The following CAPS2 variants were observed in gnomAD, a reference collection of about 807,000 sequenced individuals.
CAPS2 encodes calcyphosine 2, also known as calcyphosin-2.
CAPS2 carries 98 observed loss-of-function variants against 86.5 expected under a neutral mutation model. The observed-to-expected ratio is 1.13, with a 90% CI of 0.96 to 1.34. CAPS2 has a LOEUF of 1.34. Among genes scored for constraint, CAPS2 ranks in the 40% most tolerant of loss-of-function variants. The probability of loss-of-function intolerance (pLI) is 0.00; values close to 1 mark genes in which losing one functional copy is unlikely to be tolerated. For synonymous variants in CAPS2, 210 were observed against 225.1 expected (o/e 0.93, Z 0.60); for missense variants, 729 against 686.8 (o/e 1.06, Z -0.69).
chr12:75,333,409 T>G (rs1021038277), upstream of CAPS2, among the ~76,000 whole-genome samples: 1 of 152,124 alleles, frequency 6.6e-6, no homozygotes, highest in Non-Finnish European at 1.5e-5. Context: ...TATATAACTG[T>G]ATTGATTTAT....
At chr12:75,329,835 C>T (rs1228697558), upstream of CAPS2, 4 of 1,545,440 alleles carry the variant, frequency 2.6e-6, no homozygotes, top group Non-Finnish European at 3.5e-6. Context: ...AGAGCACCTG[C>T]AGTGTAGCAG....
chr12:75,280,873 C>T (rs373607704), intron 16 of CAPS2, among the ~76,000 whole-genome samples: 151 of 151,592 alleles, frequency 1.0e-3, no homozygotes, highest in Middle Eastern at 3.5e-3. Flanking sequence ...TTAATGATGA[C>T]GAGAAACCAA....
At chr12:75,362,961 G>GA in intron 1 of CAPS2, 2 of 505,020 alleles carry the variant, frequency 4.0e-6, no homozygotes, top group Non-Finnish European at 7.2e-6. Context: ...CAAAAGAAAT[G>GA]AAAATAAAAT....
chr12:75,277,210 CTTTT>C (rs11349252), exon 17 of CAPS2: 157 of 842,350 alleles, frequency 1.9e-4, no homozygotes, highest in South Asian at 3.3e-4. Flanking sequence ...AGTAGCTTCC[CTTTT>C]TTTTTTTTTT....
chr12:75,354,161 A>G (rs2042991210), intron 1 of CAPS2, among the ~76,000 whole-genome samples: 1 of 109,946 alleles, frequency 9.1e-6, no homozygotes. Flanking sequence ...GGGAAGAGAA[A>G]AAAAAGGGGG....
downstream of CAPS2, chr12:75,276,046 A>G: frequency 4.6e-6 from 3 of 645,390 alleles, no homozygotes; most frequent in Non-Finnish European, 7.1e-6. Flanking sequence ...AAGTTTATAG[A>G]ACTTTAAAAT....
At chr12:75,340,991 T>C (rs2042064069) in intron 1 of CAPS2, among the ~76,000 whole-genome samples, 1 of 151,570 alleles carries the variant, frequency 6.6e-6, no homozygotes, top group East Asian at 1.9e-4. Context: ...GAATGCAAAA[T>C]GGTATAGCCA....
intron 1 of CAPS2, chr12:75,360,659 G>A (rs1438203711): frequency 6.6e-6 from 1 of 152,200 alleles, no homozygotes; most frequent in Non-Finnish European, 1.5e-5. Context: ...TTTTCCTGGT[G>A]CATGGTGCAA....
At chr12:75,366,294 G>A (rs2043956907) in intron 1 of CAPS2, among the ~76,000 whole-genome samples, 1 of 152,062 alleles carries the variant, frequency 6.6e-6, no homozygotes, top group African/African-American at 2.4e-5. Context: ...AAACTCACTG[G>A]TTTACAGAAA....
upstream of CAPS2, among the ~76,000 whole-genome samples, chr12:75,328,730 T>G (rs1001730512): frequency 6.6e-6 from 1 of 152,248 alleles, no homozygotes; most frequent in Non-Finnish European, 1.5e-5. Flanking sequence ...GCTATTAGTC[T>G]TTAATGCTAG....
At chr12:75,298,824 C>T (rs1180093926) in intron 10 of CAPS2, 44 bp from the exon 11 acceptor site, 1 of 1,597,288 alleles carries the variant, frequency 6.3e-7, no homozygotes, top group Non-Finnish European at 8.6e-7. Context: ...TTTAGCTTCT[C>T]TCGGAAGTGA....
intron 1 of CAPS2, among the ~76,000 whole-genome samples, chr12:75,380,250 T>C (rs2044886081): frequency 6.6e-6 from 1 of 152,224 alleles, no homozygotes; most frequent in South Asian, 2.1e-4. Flanking sequence ...TTTTGCAGGA[T>C]ATGTGATCAT....
intron 7 of CAPS2, among the ~76,000 whole-genome samples, chr12:75,309,561 T>A (rs1176553991): frequency 1.3e-5 from 2 of 152,180 alleles, no homozygotes; most frequent in Admixed American, 1.3e-4. Context: ...GATAAAAGAA[T>A]AAATGAGTAG....
At chr12:75,296,317 A>G (rs2036866549) in intron 11 of CAPS2, among the ~76,000 whole-genome samples, 1 of 151,212 alleles carries the variant, frequency 6.6e-6, no homozygotes, top group Non-Finnish European at 1.5e-5. Context: ...TTTTAGACAG[A>G]GTCTCGCTCT....
intron 1 of CAPS2, among the ~76,000 whole-genome samples, chr12:75,384,502 T>C (rs1331278931): frequency 6.6e-6 from 1 of 152,182 alleles, no homozygotes; most frequent in African/African-American, 2.4e-5. Context: ...GAAATTTAAT[T>C]GATAACTAAT....
At position 75,306,370 on chromosome 12, in the gene CAPS2, TG is replaced by T. The variant is rs2038499333; in HGVS notation, c.660-1495del. 11 of 425,482 alleles carry T rather than the reference TG, an allele frequency of 2.6e-5. No homozygotes were observed. The South Asian group carries it at 3.2e-4, about 12-fold the overall frequency. The allele number at this position is 425,482 out of a possible 1,614,324, so 26.4% of individuals were successfully genotyped here. ...AGTGTCTCTGAGGACTAGCAAGGTC[TG>T]GAGGCCGGTGAATGGTTTCTGACCC... On this transcript the variant is annotated intron_variant, in intron 7 of 16. Transcript: ENST00000393284.
chr12:75,346,785 A>G (rs1461572636), intron 1 of CAPS2, among the ~76,000 whole-genome samples: 1 of 152,224 alleles, frequency 6.6e-6, no homozygotes, highest in Admixed American at 6.5e-5. Flanking sequence ...CAATTGATAC[A>G]TCAATTTACG....
rs571904981 is a variant in CAPS2 at position 75,347,723 on chromosome 12, G to A, written c.-394-24501C>T. Reference sequence around the variant, plus strand: ...TATTTGTATGCAACTACGGACCTGCGTGAGTTATTTTCTCTTAAAAATATT... The same window carrying A: ...TATTTGTATGCAACTACGGACCTGCATGAGTTATTTTCTCTTAAAAATATT... On this transcript the variant is annotated intron_variant, in intron 1 of 5. Coordinates refer to the CAPS2 transcript ENST00000551829. The A allele has an allele frequency of 9.0e-5, 141 of 1,574,064 alleles. 2 individuals carry two copies. The East Asian group carries it at 2.2e-3, about 25-fold the overall frequency.
At chr12:75,334,436 C>T, upstream of CAPS2, 1 of 1,192,522 alleles carries the variant, frequency 8.4e-7, no homozygotes. Context: ...CAGACGCGCT[C>T]TGCAGATTAC....
Sources: gnomAD v4.1 joint callset for allele counts (sites outside exome capture counted in the v4.1 genomes callset) on GRCh38, gnomAD v4.1.1 for gene constraint, MANE v1.5 for transcripts, NCBI Gene and HGNC (gene_info 2026-07-23, HGNC 2026-07-21) for gene names.